CLCN5: variants seen among roughly 807,000 people sequenced by gnomAD.
CLCN5 encodes Cl-/H+ antiporter 5, also known as H(+)/Cl(-) exchange transporter 5.
CLCN5 carries 17 observed loss-of-function variants against 54.0 expected under a neutral mutation model. The ratio of observed to expected loss-of-function variants is 0.31; its 90% CI spans 0.22 to 0.47. The LOEUF (loss-of-function observed/expected upper bound fraction) is 0.47, where lower values mean the gene tolerates loss of function less well. Among genes scored for constraint, CLCN5 ranks in the 20% least tolerant of loss-of-function variants. The probability of loss-of-function intolerance (pLI) is 1.00; values close to 1 mark genes in which losing one functional copy is unlikely to be tolerated. For missense variants in CLCN5, 448 were observed against 646.7 expected (o/e 0.69, Z 3.33); for synonymous variants, 222 against 233.0 (o/e 0.95, Z 0.43).
At chrX:50,050,942 G>T (rs1932565815) in intron 4 of CLCN5, among the ~76,000 whole-genome samples, 1 of 111,049 alleles carries the variant, frequency 9.0e-6, no homozygotes, top group East Asian at 2.8e-4. Flanking sequence ...GATTACAGGC[G>T]TGAGCCACTG....
At chrX:49,974,310 A>G (rs1394986572) in intron 3 of CLCN5, among the ~76,000 whole-genome samples, 4 of 111,468 alleles carry the variant, frequency 3.6e-5, no homozygotes, top group Non-Finnish European at 7.5e-5. Flanking sequence ...AACAATAGAA[A>G]AGTAAGTGTG....
chrX:50,012,987 A>G lies in CLCN5; in HGVS notation c.17-29329A>G, dbSNP rs782481396. ...CCATGCAGACTGTGGCAGGGAAGCC[A>G]TCATTTCATTACTGTCTCCACCTCC... On this transcript the variant is annotated intron_variant, in intron 3 of 14. Coordinates refer to ENST00000376091, the MANE Select transcript of CLCN5 (RefSeq NM_001127898.4). Among the ~76,000 whole-genome samples the G allele has an allele frequency of 4.9e-3, 553 of 111,794 alleles. 4 individuals are homozygous for G. The highest frequency in any genetic ancestry group is 9.2e-3 in the Middle Eastern group (2 of 218).
chrX:50,010,055 A>G (rs1232278364), intron 3 of CLCN5, among the ~76,000 whole-genome samples: 3 of 111,179 alleles, frequency 2.7e-5, no homozygotes, highest in Non-Finnish European at 5.7e-5. Flanking sequence ...TGAGTGGGCC[A>G]CATAGGAACT....
chrX:50,081,009 A>G (rs1446955104), intron 8 of CLCN5, among the ~76,000 whole-genome samples: 3 of 111,718 alleles, frequency 2.7e-5, no homozygotes, highest in Admixed American at 9.5e-5. Flanking sequence ...TTCTGACCTG[A>G]AAAAGCAGTG....
At chrX:49,922,934 C>A (rs1925138575) in intron 1 of CLCN5, 142 bp downstream of exon 1, 1 of 113,082 alleles carries the variant, frequency 8.8e-6, no homozygotes, top group Admixed American at 9.2e-5. Flanking sequence ...ATGGGGCTTC[C>A]CCGCGCCCGG....
intron 3 of CLCN5, among the ~76,000 whole-genome samples, chrX:50,018,251 T>C (rs1930886902): frequency 8.9e-6 from 1 of 112,224 alleles, no homozygotes; most frequent in South Asian, 3.7e-4. Context: ...TGTGTTCTGA[T>C]TTTTCAAATT....
intron 3 of CLCN5, among the ~76,000 whole-genome samples, chrX:49,969,238 C>G (rs1928076130): frequency 1.8e-5 from 2 of 111,107 alleles, no homozygotes; most frequent in Non-Finnish European, 3.8e-5. Flanking sequence ...CCACCACATC[C>G]AACTAATTTT....
intron 3 of CLCN5, among the ~76,000 whole-genome samples, chrX:49,934,795 A>G (rs1251172440): frequency 9.0e-6 from 1 of 111,723 alleles, no homozygotes; most frequent in African/African-American, 3.3e-5. Flanking sequence ...CCTCCTTCCC[A>G]AAGACAAGCA....
intron 7 of CLCN5, among the ~76,000 whole-genome samples, chrX:50,078,779 G>A (rs893247600): frequency 3.6e-5 from 4 of 112,352 alleles, no homozygotes; most frequent in Admixed American, 9.4e-5. Flanking sequence ...TTCTTTTTAT[G>A]AACGAAATCC....
intron 4 of CLCN5, chrX:50,069,458 T>C (rs1483384355): frequency 1.1e-5 from 8 of 752,298 alleles, no homozygotes; most frequent in Non-Finnish European, 3.1e-6. Flanking sequence ...CAAAAACCAC[T>C]TCATAGGATT....
At chrX:50,026,529 G>A (rs1225575867) in intron 3 of CLCN5, among the ~76,000 whole-genome samples, 1 of 111,428 alleles carries the variant, frequency 9.0e-6, no homozygotes, top group Non-Finnish European at 1.9e-5. Flanking sequence ...ATCAGTTTTT[G>A]CCTCATATGT....
chrX:49,952,282 T>A (rs1412819385), intron 3 of CLCN5, among the ~76,000 whole-genome samples: 15 of 110,668 alleles, frequency 1.4e-4, no homozygotes, highest in Non-Finnish European at 2.1e-4. Context: ...CCAGTACCAC[T>A]ATGTTCAAGT....
chrX:49,990,152 G>A (rs991702108), intron 3 of CLCN5, among the ~76,000 whole-genome samples: 1 of 110,645 alleles, frequency 9.0e-6, no homozygotes, highest in Admixed American at 9.6e-5. Context: ...GGGAACAGGT[G>A]GCATTTGGTA....
intron 3 of CLCN5, among the ~76,000 whole-genome samples, chrX:49,996,254 T>C (rs1201727882): frequency 1.8e-5 from 2 of 111,952 alleles, no homozygotes; most frequent in African/African-American, 6.5e-5. Flanking sequence ...CAGTTTCTGC[T>C]CTTGAAATCT....
intron 3 of CLCN5, chrX:50,003,273 T>C (rs781889682): frequency 2.7e-6 from 1 of 371,290 alleles, no homozygotes; most frequent in Admixed American, 2.6e-5. Flanking sequence ...CATGAGCACA[T>C]GGACAGGTAC....
chrX:50,029,793 T>G (rs1931599654), intron 3 of CLCN5, among the ~76,000 whole-genome samples: 1 of 111,973 alleles, frequency 8.9e-6, no homozygotes, highest in African/African-American at 3.2e-5. Flanking sequence ...GGTGGGACTG[T>G]AAAGTAGTTC....
chrX:49,931,392 T>A (rs887588539), intron 3 of CLCN5, among the ~76,000 whole-genome samples: 2 of 112,239 alleles, frequency 1.8e-5, no homozygotes, highest in Non-Finnish European at 3.8e-5. Flanking sequence ...ACTTTATTTT[T>A]GCTTACATGT....
chrX:49,954,260 C>T (rs1327180258), intron 3 of CLCN5, among the ~76,000 whole-genome samples: 5 of 111,570 alleles, frequency 4.5e-5, no homozygotes, highest in Admixed American at 9.5e-5. Context: ...GTGCAACCCG[C>T]GGCCTGTGGG....
intron 3 of CLCN5, among the ~76,000 whole-genome samples, chrX:50,027,691 C>A (rs782395239): frequency 1.8e-5 from 2 of 109,859 alleles, no homozygotes; most frequent in Non-Finnish European, 3.8e-5. Flanking sequence ...TTCCAACATT[C>A]CTTCCATGTC....
Sources: allele counts gnomAD v4.1 joint callset (sites outside exome capture counted in the v4.1 genomes callset), GRCh38; gene constraint gnomAD v4.1.1; transcripts MANE v1.5; gene names NCBI Gene and HGNC (gene_info 2026-07-23, HGNC 2026-07-21).